The following RAB5A variants were observed in gnomAD, a reference collection of about 807,000 sequenced individuals.
RAB5A encodes the protein ras-related protein Rab-5A.
Under a neutral mutation model 25.7 loss-of-function variants are expected in RAB5A, and 8 were observed. The ratio of observed to expected loss-of-function variants is 0.31; its 90% CI spans 0.18 to 0.56. The LOEUF is 0.56. RAB5A is among the 20% of genes least tolerant of loss of function. The pLI is 0.91. For missense variants in RAB5A, 192 were observed against 259.7 expected, an observed-to-expected ratio of 0.74 and a Z score of 1.79; for synonymous variants, 98 against 89.8, an observed-to-expected ratio of 1.09 and a Z score of -0.52.
chr3:19,982,349 G>A (rs1378407402), intron 5 of RAB5A, among the ~76,000 whole-genome samples: 2 of 152,230 alleles, frequency 1.3e-5, no homozygotes, highest in African/African-American at 4.8e-5. Context: ...ATTTCCACTA[G>A]CATGCTAAGG....
rs1696722481 is a variant in RAB5A at position 19,970,036 on chromosome 3, GTGA to G, written c.164-5563_164-5561del. 2.8e-5 allele frequency among the ~76,000 whole-genome samples: 2 copies of G among 70,512 alleles called. 1 individual carries two copies. Among genetic ancestry groups the G allele is most frequent in the Non-Finnish European group, 7.6e-5 (2 of 26,390 alleles). 46.3% of individuals were successfully genotyped at this position (70,512 alleles called of 152,430 possible). A position where few individuals can be genotyped will look rare whatever the true frequency, so the allele number is the denominator to read the frequency against. ...AGGCTGGCCTTGAATTCCAGACCTT[GTGA>G]TCCACCCACCTCGGCCACCATGCCC... is the stretch of plus-strand genomic sequence containing the variant. On this transcript the variant is annotated intron_variant, in intron 2 of 5. Transcript: ENST00000273047.
intron 2 of RAB5A, among the ~76,000 whole-genome samples, chr3:19,972,001 A>G (rs562214210): frequency 4.0e-4 from 61 of 152,240 alleles, no homozygotes; most frequent in Admixed American, 7.2e-4. Flanking sequence ...TTTATATTAA[A>G]TGTTGGTACA....
chr3:19,958,660 A>T (rs904473189), intron 2 of RAB5A, among the ~76,000 whole-genome samples: 1 of 152,228 alleles, frequency 6.6e-6, no homozygotes, highest in Admixed American at 6.5e-5. Flanking sequence ...CCTGACCAAC[A>T]TGGCAAAACA....
chr3:19,974,945 G>T (rs367982143), intron 2 of RAB5A, among the ~76,000 whole-genome samples: 1 of 152,012 alleles, frequency 6.6e-6, no homozygotes, highest in Non-Finnish European at 1.5e-5. Context: ...TGCAGTCTTC[G>T]CTGGGCTTGG....
At chr3:19,982,858 C>G (rs552759254) in intron 5 of RAB5A, among the ~76,000 whole-genome samples, 1 of 151,862 alleles carries the variant, frequency 6.6e-6, no homozygotes, top group East Asian at 1.9e-4. Context: ...TATCACAATT[C>G]GGGGTGATAA....
chr3:19,958,003 T>G (rs1036778928), intron 2 of RAB5A, among the ~76,000 whole-genome samples: 3 of 152,228 alleles, frequency 2.0e-5, no homozygotes, highest in African/African-American at 7.2e-5. Flanking sequence ...CCTTCACTTG[T>G]TAGCCTTCAG....
chr3:19,965,997 G>C (rs547561491), intron 2 of RAB5A, among the ~76,000 whole-genome samples: 11 of 152,144 alleles, frequency 7.2e-5, no homozygotes, highest in Non-Finnish European at 7.4e-5. Context: ...CAAAGTGCTG[G>C]GACTGCAGGT....
Position 19,966,548 on chromosome 3 carries a change from T to C in RAB5A, c.164-9053T>C, listed in dbSNP as rs556611789. 2.2e-4 allele frequency among the ~76,000 whole-genome samples: 34 copies of C among 152,344 alleles called. 1 individual carries two copies. Among genetic ancestry groups the C allele is most frequent in the African/African-American group, 7.5e-4 (31 of 41,580 alleles). On this transcript the variant is annotated intron_variant, in intron 2 of 5. Transcript: ENST00000273047. ...CCTGCTTTCACTACTTTTGGATGTA[T>C]GCCCGTAAGAGGAATTGCTGGATCA...
chr3:19,958,084 T>C (rs1224669104), intron 2 of RAB5A, among the ~76,000 whole-genome samples: 1 of 152,142 alleles, frequency 6.6e-6, no homozygotes, highest in Non-Finnish European at 1.5e-5. Flanking sequence ...ATGTGCACAT[T>C]GTTAAAAGTG....
intron 2 of RAB5A, among the ~76,000 whole-genome samples, chr3:19,952,599 C>A (rs1341363745): frequency 1.3e-5 from 2 of 152,120 alleles, no homozygotes; most frequent in African/African-American, 4.8e-5. Flanking sequence ...TACCTCCTGG[C>A]CTTTGTATAT....
At chr3:19,961,621 A>G (rs967369605) in intron 2 of RAB5A, among the ~76,000 whole-genome samples, 12 of 152,214 alleles carry the variant, frequency 7.9e-5, no homozygotes, top group South Asian at 2.1e-4. Context: ...GTCACACGCT[A>G]TATTTTAACT....
At chr3:19,964,717 G>A (rs1177655403) in intron 2 of RAB5A, among the ~76,000 whole-genome samples, 1 of 152,134 alleles carries the variant, frequency 6.6e-6, no homozygotes, top group African/African-American at 2.4e-5. Context: ...TGGTTCAAAC[G>A]ATTCTTGTGC....
intron 2 of RAB5A, among the ~76,000 whole-genome samples, chr3:19,964,971 C>T (rs1171302039): frequency 6.6e-6 from 1 of 152,190 alleles, no homozygotes; most frequent in South Asian, 2.1e-4. Flanking sequence ...CGCTCTGTCC[C>T]CTAGGCTGGA....
chr3:19,978,436 A>G (rs768664893), intron 5 of RAB5A, 33 bp downstream of exon 5: 12 of 1,481,342 alleles, frequency 8.1e-6, no homozygotes, highest in East Asian at 6.8e-5. Flanking sequence ...AATGATCAAT[A>G]TAAGCAAAAC....
rs529989810 is a variant in RAB5A at position 19,984,549 on chromosome 3, C to T, written c.*726C>T. ...GTTCTTTAACAAAAATGAAATAAACCAGGTGTCTGTGATTTCTAATTAATC... is the reference window on the plus strand; with the variant it reads ...GTTCTTTAACAAAAATGAAATAAACTAGGTGTCTGTGATTTCTAATTAATC... On this transcript the variant is annotated 3_prime_UTR_variant, in exon 6 of 6. Coordinates refer to ENST00000273047, the MANE Select transcript of RAB5A (RefSeq NM_004162.5). 1.7e-5 allele frequency: 3 copies of T among 177,782 alleles called. No homozygotes were observed. Among genetic ancestry groups the T allele is most frequent in the African/African-American group, 7.2e-5 (3 of 41,588 alleles). 11.0% of individuals were successfully genotyped at this position (177,782 alleles called of 1,614,324 possible). A position where few individuals can be genotyped will look rare whatever the true frequency, so the allele number is the denominator to read the frequency against.
chr3:19,947,133 C>T lies in RAB5A; in HGVS notation c.-482C>T, dbSNP rs576734544. 1.7e-4 allele frequency: 26 copies of T among 156,206 alleles called. 1 individual carries two copies. The South Asian group carries it at 4.6e-3, about 28-fold the overall frequency. The allele number at this position is 156,206 out of a possible 1,614,324, so 9.7% of individuals were successfully genotyped here. A position where few individuals can be genotyped will look rare whatever the true frequency, so the allele number is the denominator to read the frequency against. ...TGCAGCGACGTGGCGGCGGGGCCGG[C>T]ACCGGGCAGCGGAAGTGGCTCCGGC... On this transcript the variant is annotated 5_prime_UTR_variant, in exon 1 of 6. Transcript: ENST00000273047.
chr3:19,975,982 A>G (rs1696818915), intron 3 of RAB5A, 65 bp from the exon 4 acceptor site: 15 of 1,556,960 alleles, frequency 9.6e-6, no homozygotes, highest in Non-Finnish European at 9.5e-6. Flanking sequence ...AAAGCCTTGT[A>G]TCACAAAGAT....
chr3:19,979,286 CTTT>C (rs780232080), intron 5 of RAB5A, among the ~76,000 whole-genome samples: 4 of 120,268 alleles, frequency 3.3e-5, no homozygotes, highest in South Asian at 2.7e-4. Context: ...AAGGTACTTT[CTTT>C]TTTTTTTTTT....
intron 2 of RAB5A, among the ~76,000 whole-genome samples, chr3:19,953,983 A>G (rs1696462482): frequency 6.6e-6 from 1 of 152,148 alleles, no homozygotes; most frequent in South Asian, 2.1e-4. Context: ...TTACCTGAAA[A>G]ATGAAGCCAA....
Sources: allele counts gnomAD v4.1 joint callset (sites outside exome capture counted in the v4.1 genomes callset), GRCh38; gene constraint gnomAD v4.1.1; transcripts MANE v1.5; gene names NCBI Gene and HGNC (gene_info 2026-07-23, HGNC 2026-07-21).